The following GRIN2A variants were observed in gnomAD, a reference collection of about 807,000 sequenced individuals.
The protein encoded by GRIN2A is glutamate receptor ionotropic, NMDA 2A.
A neutral mutation model predicts 113.4 loss-of-function variants in GRIN2A; 22 were observed. The observed-to-expected ratio is 0.19, with a 90% CI of 0.14 to 0.28. The LOEUF (loss-of-function observed/expected upper bound fraction) is 0.28, where lower values mean the gene tolerates loss of function less well. GRIN2A is among the 10% of genes least tolerant of loss of function. The probability of loss-of-function intolerance (pLI) is 1.00; values close to 1 mark genes in which losing one functional copy is unlikely to be tolerated. For missense variants in GRIN2A, 1,502 were observed against 1,887.0 expected, an observed-to-expected ratio of 0.80 and a Z score of 3.78; for synonymous variants, 827 against 738.4, an observed-to-expected ratio of 1.12 and a Z score of -1.94.
At chr16:10,129,956 G>T (rs1437779904) in intron 2 of GRIN2A, among the ~76,000 whole-genome samples, 1 of 152,204 alleles carries the variant, frequency 6.6e-6, no homozygotes, top group African/African-American at 2.4e-5. Context: ...TCTGTGTTAA[G>T]GGCAGAGCTA....
chr16:10,166,366 G>A (rs1205105410), intron 2 of GRIN2A, among the ~76,000 whole-genome samples: 2 of 152,178 alleles, frequency 1.3e-5, no homozygotes, highest in Non-Finnish European at 2.9e-5. Flanking sequence ...TGAGGAACAG[G>A]TTAAGAGGAG....
intron 2 of GRIN2A, among the ~76,000 whole-genome samples, chr16:9,974,762 G>C (rs2045742988): frequency 6.6e-6 from 1 of 152,132 alleles, no homozygotes; most frequent in Non-Finnish European, 1.5e-5. Context: ...GTGATCCCTA[G>C]AGCAATCACT....
At chr16:10,142,745 TC>T (rs1567329399) in intron 2 of GRIN2A, among the ~76,000 whole-genome samples, 1 of 152,046 alleles carries the variant, frequency 6.6e-6, no homozygotes, top group East Asian at 1.9e-4. Flanking sequence ...CCTAACCCTC[TC>T]CCATTTCCAC....
At chr16:9,915,095 C>T (rs2044220136) in intron 3 of GRIN2A, among the ~76,000 whole-genome samples, 2 of 151,144 alleles carry the variant, frequency 1.3e-5, no homozygotes, top group Admixed American at 6.6e-5. Flanking sequence ...TGCCACTGCA[C>T]CCGGCTAATT....
intron 2 of GRIN2A, among the ~76,000 whole-genome samples, chr16:10,150,690 C>T (rs1377894452): frequency 6.6e-6 from 1 of 151,776 alleles, no homozygotes; most frequent in Non-Finnish European, 1.5e-5. Flanking sequence ...CTCACTTCCT[C>T]ACCTCCTCAG....
chr16:9,953,922 G>A (rs972593572), intron 2 of GRIN2A, among the ~76,000 whole-genome samples: 18 of 152,238 alleles, frequency 1.2e-4, no homozygotes, highest in Admixed American at 3.9e-4. Flanking sequence ...AGTGGAGGAC[G>A]TTCCAACACT....
chr16:10,162,990 T>C (rs1348842073), intron 2 of GRIN2A, among the ~76,000 whole-genome samples: 2 of 152,240 alleles, frequency 1.3e-5, no homozygotes, highest in African/African-American at 2.4e-5. Flanking sequence ...AAAGTTGATC[T>C]TTAACAAAGT....
intron 2 of GRIN2A, among the ~76,000 whole-genome samples, chr16:10,058,197 G>A (rs1014524330): frequency 2.2e-4 from 34 of 152,072 alleles, no homozygotes; most frequent in African/African-American, 8.0e-4. Flanking sequence ...AGAGGTTGCA[G>A]TGAGCCATGA....
rs557284774 is a variant in GRIN2A at position 9,853,495 on chromosome 16, C to T, written c.1123-3534G>A. Among the ~76,000 whole-genome samples the T allele has an allele frequency of 1.2e-4, 18 of 152,274 alleles. No homozygotes were observed. In the South Asian group the frequency reaches 2.7e-3, roughly 23 times the overall value. The stretch of plus-strand genomic sequence containing the variant: ...GAACCAGGAAGCAGCTCTCACCAGA[C>T]GCTAAATCTGCTGGCACCTTGATTT... On this transcript the variant is annotated intron_variant, in intron 4 of 12. Transcript: ENST00000330684.
chr16:10,050,263 T>G (rs183070520), intron 2 of GRIN2A, among the ~76,000 whole-genome samples: 40 of 152,250 alleles, frequency 2.6e-4, no homozygotes, highest in Admixed American at 7.8e-4. Flanking sequence ...CAAATACAGG[T>G]GACCTCTGGA....
At chr16:9,828,765 G>A (rs945142281) in intron 9 of GRIN2A, among the ~76,000 whole-genome samples, 1 of 152,114 alleles carries the variant, frequency 6.6e-6, no homozygotes, top group African/African-American at 2.4e-5. Flanking sequence ...CTGTCTTACT[G>A]ATGTGGGAAG....
chr16:9,812,381 G>A (rs563815941), intron 10 of GRIN2A, among the ~76,000 whole-genome samples: 1 of 152,240 alleles, frequency 6.6e-6, no homozygotes, highest in Non-Finnish European at 1.5e-5. Context: ...ACTCACGCCT[G>A]TAATCCCAGC....
At chr16:10,009,223 G>A (rs537112135) in intron 2 of GRIN2A, among the ~76,000 whole-genome samples, 2 of 152,186 alleles carry the variant, frequency 1.3e-5, no homozygotes, top group Non-Finnish European at 2.9e-5. Context: ...AGGAAGCTTA[G>A]AAGAAAAAAT....
intron 4 of GRIN2A, among the ~76,000 whole-genome samples, chr16:9,875,950 A>G (rs1380419085): frequency 6.6e-6 from 1 of 152,104 alleles, no homozygotes; most frequent in Non-Finnish European, 1.5e-5. Context: ...CCCTCCCACT[A>G]CATTATAAGT....
chr16:9,941,726 G>A (rs2044882296), intron 2 of GRIN2A, among the ~76,000 whole-genome samples: 1 of 152,100 alleles, frequency 6.6e-6, no homozygotes, highest in African/African-American at 2.4e-5. Flanking sequence ...CTATAAAATG[G>A]GTGTGGCTAT....
At chr16:10,050,009 C>T (rs1391411008) in intron 2 of GRIN2A, among the ~76,000 whole-genome samples, 2 of 152,136 alleles carry the variant, frequency 1.3e-5, no homozygotes, top group African/African-American at 4.8e-5. Context: ...TAAAGGTCTC[C>T]CAATAGATGT....
intron 11 of GRIN2A, among the ~76,000 whole-genome samples, chr16:9,776,629 T>G (rs1013381061): frequency 6.6e-6 from 1 of 152,070 alleles, no homozygotes; most frequent in Admixed American, 6.5e-5. Flanking sequence ...TAGAGCCTGG[T>G]GGTTTCCTAC....
At chr16:10,025,655 T>A (rs1294654244) in intron 2 of GRIN2A, among the ~76,000 whole-genome samples, 1 of 152,146 alleles carries the variant, frequency 6.6e-6, no homozygotes, top group Non-Finnish European at 1.5e-5. Context: ...CCACCTCATT[T>A]GACTCCAGGG....
intron 2 of GRIN2A, among the ~76,000 whole-genome samples, chr16:10,072,662 G>A (rs1377350051): frequency 9.9e-5 from 15 of 152,164 alleles, no homozygotes; most frequent in Admixed American, 7.9e-4. Context: ...CTCTAAAGAC[G>A]TGGTCTGTGG....
Sources: gnomAD v4.1 joint callset for allele counts (sites outside exome capture counted in the v4.1 genomes callset) on GRCh38, gnomAD v4.1.1 for gene constraint, MANE v1.5 for transcripts, NCBI Gene and HGNC (gene_info 2026-07-23, HGNC 2026-07-21) for gene names.